SLC30A9: variants seen among roughly 807,000 people sequenced by gnomAD.
SLC30A9 encodes the protein solute carrier family 30 member 9.
A neutral mutation model predicts 87.5 loss-of-function variants in SLC30A9; 58 were observed. That is an observed-to-expected ratio of 0.66 (90% CI 0.54 to 0.82). The LOEUF (loss-of-function observed/expected upper bound fraction) is 0.82, where lower values mean the gene tolerates loss of function less well. SLC30A9 is among the 40% of genes least tolerant of loss of function. SLC30A9 has a pLI of 0.00. For synonymous variants in SLC30A9, 234 were observed against 233.0 expected, an observed-to-expected ratio of 1.00 and a Z score of -0.04; for missense variants, 557 against 679.1, an observed-to-expected ratio of 0.82 and a Z score of 2.00.
intron 8 of SLC30A9, among the ~76,000 whole-genome samples, chr4:42,042,096 G>A (rs13146152): frequency 0.68 from 102,919 of 152,068 alleles, 38,077 homozygotes; most frequent in East Asian, 0.96. Flanking sequence ...TGCCTACACC[G>A]CCAGGGCCTT....
At chr4:42,001,319 C>A (rs970532025) in intron 1 of SLC30A9, among the ~76,000 whole-genome samples, 1 of 151,876 alleles carries the variant, frequency 6.6e-6, no homozygotes, top group Non-Finnish European at 1.5e-5. Flanking sequence ...GTAATTATGC[C>A]AACATTTTTT....
chr4:42,075,628 A>G (rs775681671), intron 15 of SLC30A9, 29 bp from the exon 16 acceptor site: 5 of 1,599,150 alleles, frequency 3.1e-6, no homozygotes, highest in Non-Finnish European at 4.3e-6. Context: ...ATGTATAAAT[A>G]AATTTGTATG....
At position 42,089,839 on chromosome 4, in the gene SLC30A9, A is replaced by G. The variant is rs1004840024; in HGVS notation, c.*3713A>G. ...ACGGAAAAATTTTCAAATTTTTTCA[A>G]AAGCAAAGGTAATCCCTGCATACAT... On this transcript the variant is annotated 3_prime_UTR_variant, in exon 18 of 18. Transcript: ENST00000264451. 1 of 152,228 alleles carries G rather than the reference A, an allele frequency of 6.6e-6. No homozygotes were observed. The highest frequency in any genetic ancestry group is 1.5e-5 in the Non-Finnish European group (1 of 68,050). The allele number at this position is 152,228 out of a possible 1,614,324, so 9.4% of individuals were successfully genotyped here. A position where few individuals can be genotyped will look rare whatever the true frequency, so the allele number is the denominator to read the frequency against.
intron 2 of SLC30A9, among the ~76,000 whole-genome samples, chr4:42,017,631 G>A (rs941449700): frequency 6.6e-6 from 1 of 151,912 alleles, no homozygotes; most frequent in African/African-American, 2.4e-5. Flanking sequence ...TTTTTTGGTA[G>A]GTGTAGGGTT....
At chr4:41,995,970 A>T (rs1271958771) in intron 1 of SLC30A9, among the ~76,000 whole-genome samples, 1 of 151,842 alleles carries the variant, frequency 6.6e-6, no homozygotes, top group Non-Finnish European at 1.5e-5. Context: ...TCGGCCTCCC[A>T]AAGTGCTGGG....
intron 6 of SLC30A9, among the ~76,000 whole-genome samples, chr4:42,033,264 CTG>C (rs932742269): frequency 3.3e-5 from 5 of 151,940 alleles, no homozygotes; most frequent in African/African-American, 1.2e-4. Flanking sequence ...GCTTCCATCT[CTG>C]TCCTTTCCAC....
intron 9 of SLC30A9, among the ~76,000 whole-genome samples, chr4:42,059,133 C>T (rs1458572130): frequency 6.6e-6 from 1 of 151,992 alleles, no homozygotes; most frequent in East Asian, 1.9e-4. Context: ...TATTAAATTT[C>T]TTGTAACCTA....
At chr4:41,998,600 A>G (rs1714840566) in intron 1 of SLC30A9, among the ~76,000 whole-genome samples, 1 of 151,670 alleles carries the variant, frequency 6.6e-6, no homozygotes, top group Non-Finnish European at 1.5e-5. Context: ...CATAGCTAGG[A>G]TTATAGGCGC....
intron 17 of SLC30A9, among the ~76,000 whole-genome samples, chr4:42,083,824 T>C (rs1379229931): frequency 6.6e-6 from 1 of 152,144 alleles, no homozygotes; most frequent in African/African-American, 2.4e-5. Context: ...GGAATAGTTT[T>C]AAATAAGGAA....
At chr4:42,006,230 G>A (rs1052433812) in intron 2 of SLC30A9, among the ~76,000 whole-genome samples, 1 of 152,142 alleles carries the variant, frequency 6.6e-6, no homozygotes, top group African/African-American at 2.4e-5. Flanking sequence ...CTACAGGGAG[G>A]TCCTGGAACC....
At chr4:42,050,415 T>A (rs1461682221) in intron 9 of SLC30A9, among the ~76,000 whole-genome samples, 1 of 152,218 alleles carries the variant, frequency 6.6e-6, no homozygotes, top group African/African-American at 2.4e-5. Flanking sequence ...TATTTTCTTG[T>A]AAGCTTATCG....
intron 1 of SLC30A9, among the ~76,000 whole-genome samples, chr4:41,994,146 A>G (rs992143926): frequency 2.9e-5 from 4 of 139,910 alleles, no homozygotes; most frequent in African/African-American, 1.0e-4. Context: ...GACGAGCGAA[A>G]CTCCATCTCA....
At chr4:42,030,252 T>C in intron 6 of SLC30A9, 1 of 186,306 alleles carries the variant, frequency 5.4e-6, no homozygotes, top group Non-Finnish European at 1.1e-5. Context: ...TGCTTTACAC[T>C]TGCTTTCTGC....
At chr4:42,010,943 C>G (rs1715414569) in intron 2 of SLC30A9, among the ~76,000 whole-genome samples, 1 of 152,088 alleles carries the variant, frequency 6.6e-6, no homozygotes, top group Non-Finnish European at 1.5e-5. Context: ...TAGCAAGGTA[C>G]TGGAGTCAGA....
chr4:42,027,074 C>T lies in SLC30A9; in HGVS notation c.610+3690C>T, dbSNP rs139465980. On this transcript the variant is annotated intron_variant, in intron 6 of 17. Transcript: ENST00000264451. The stretch of plus-strand genomic sequence containing the variant: ...TAAATAACTTTTGCCGGTGTTACGG[C>T]ATCTGTCTTCAGTAGCCAGAGTTGG... Among the ~76,000 whole-genome samples, 454 of 152,246 alleles carry T rather than the reference C, an allele frequency of 3.0e-3. 4 individuals are homozygous for T. The highest frequency in any genetic ancestry group is 5.1e-3 in the Non-Finnish European group (345 of 68,022).
chr4:42,063,984 G>C (rs997108908), intron 11 of SLC30A9, among the ~76,000 whole-genome samples: 1 of 152,176 alleles, frequency 6.6e-6, no homozygotes, highest in Non-Finnish European at 1.5e-5. Flanking sequence ...CACACTTTCT[G>C]TGGGAGTGCA....
At chr4:42,032,701 T>C (rs1297855144) in intron 6 of SLC30A9, among the ~76,000 whole-genome samples, 2 of 152,104 alleles carry the variant, frequency 1.3e-5, no homozygotes, top group African/African-American at 2.4e-5. Context: ...AAGAACAAAG[T>C]AGCAGTGCTC....
chr4:42,032,578 A>G (rs1259474208), intron 6 of SLC30A9, among the ~76,000 whole-genome samples: 1 of 152,210 alleles, frequency 6.6e-6, no homozygotes, highest in Non-Finnish European at 1.5e-5. Flanking sequence ...ATAACCCAGG[A>G]AGAAAAGGGA....
intron 6 of SLC30A9, chr4:42,029,979 C>T (rs1268148904): frequency 5.5e-6 from 5 of 913,640 alleles, no homozygotes; most frequent in Non-Finnish European, 8.8e-6. Context: ...CAAATACCTG[C>T]AGCCTCTGCT....
Sources: allele counts gnomAD v4.1 joint callset (sites outside exome capture counted in the v4.1 genomes callset), GRCh38; gene constraint gnomAD v4.1.1; transcripts MANE v1.5; gene names NCBI Gene and HGNC (gene_info 2026-07-23, HGNC 2026-07-21).